Variants in MORC1 observed in about 807,000 individuals in gnomAD.
The protein encoded by MORC1 is MORC family CW-type zinc finger protein 1.
In MORC1, 59 loss-of-function variants were observed where a neutral mutation model predicts 134.9. The ratio of observed to expected loss-of-function variants is 0.44; its 90% confidence interval spans 0.35 to 0.54. The LOEUF is 0.54. MORC1 is among the 20% of genes least tolerant of loss of function. The pLI is 0.00. For missense variants in MORC1, 947 were observed against 1,134.5 expected (o/e 0.83, Z 2.37); for synonymous variants, 395 against 391.7 (o/e 1.01, Z -0.10).
At chr3:109,007,941 A>ATGTGTGTGTGTGTGTG (rs113629397) in intron 17 of MORC1, among the ~76,000 whole-genome samples, 90 of 149,614 alleles carry the variant, frequency 6.0e-4, no homozygotes, top group Admixed American at 3.2e-3. Flanking sequence ...GCACATATAT[A>ATGTGTGTGTGTGTGTG]TGTGTGTGTG....
chr3:109,117,949 C>A (rs901582438), intron 1 of MORC1, 46 bp downstream of exon 1: 1 of 1,474,700 alleles, frequency 6.8e-7, no homozygotes, highest in Admixed American at 1.9e-5. Context: ...TTCTTCATGG[C>A]GGGCGCAGAG....
At chr3:109,040,407 G>GAAAGAAAGAAAGAAAGAAAGA (rs58166584) in intron 14 of MORC1, among the ~76,000 whole-genome samples, 1 of 26,244 alleles carries the variant, frequency 3.8e-5, no homozygotes, top group African/African-American at 1.1e-4. Flanking sequence ...AGAAAGAGAA[G>GAAAGAAAGAAAGAAAGAAAGA]GAAGGAAGGA....
At chr3:108,969,555 A>G (rs1317137715) in intron 26 of MORC1, 114 bp downstream of exon 26, 1 of 1,051,298 alleles carries the variant, frequency 9.5e-7, no homozygotes, top group Non-Finnish European at 1.5e-6. Context: ...AGTCTCGATA[A>G]GTGAATGCAA....
At chr3:109,100,542 A>G (rs1181297828) in intron 4 of MORC1, 35 bp from the exon 5 acceptor site, 1 of 1,529,888 alleles carries the variant, frequency 6.5e-7, no homozygotes, top group South Asian at 1.1e-5. Flanking sequence ...GTGGTTAGGA[A>G]GACTCTTTGA....
At chr3:109,009,966 T>C (rs1261457043) in intron 17 of MORC1, among the ~76,000 whole-genome samples, 2 of 152,210 alleles carry the variant, frequency 1.3e-5, no homozygotes, top group Non-Finnish European at 2.9e-5. Context: ...TTCATGATCA[T>C]TTTCTGTGTA....
intron 3 of MORC1, 78 bp from the exon 4 acceptor site, chr3:109,103,995 A>T: frequency 7.6e-7 from 1 of 1,319,484 alleles, no homozygotes; most frequent in Non-Finnish European, 1.1e-6. Flanking sequence ...TAGAATAATT[A>T]TTCGTCTTCC....
intron 8 of MORC1, among the ~76,000 whole-genome samples, chr3:109,072,123 G>A (rs1044008125): frequency 4.6e-5 from 7 of 152,072 alleles, no homozygotes; most frequent in African/African-American, 1.2e-4. Context: ...AAGTGAAATG[G>A]GCCACGTCAT....
At chr3:109,089,483 C>A (rs182227658) in intron 8 of MORC1, among the ~76,000 whole-genome samples, 2 of 152,204 alleles carry the variant, frequency 1.3e-5, no homozygotes, top group Non-Finnish European at 2.9e-5. Context: ...TCTGTACCCA[C>A]TCAATAAAGG....
intron 8 of MORC1, among the ~76,000 whole-genome samples, chr3:109,078,991 G>T (rs1950474750): frequency 6.6e-6 from 1 of 151,832 alleles, no homozygotes; most frequent in South Asian, 2.1e-4. Flanking sequence ...AGTAATAAAA[G>T]AAATAAAGTA....
At chr3:109,028,758 G>C (rs1044279388) in intron 16 of MORC1, among the ~76,000 whole-genome samples, 1 of 151,944 alleles carries the variant, frequency 6.6e-6, no homozygotes, top group East Asian at 1.9e-4. Context: ...TGTTCACTTC[G>C]GTATCAAGGC....
chr3:109,056,697 A>C (rs1949970354), intron 13 of MORC1, among the ~76,000 whole-genome samples: 1 of 152,212 alleles, frequency 6.6e-6, no homozygotes, highest in South Asian at 2.1e-4. Flanking sequence ...GTGCTTGTTA[A>C]ATAAACAATG....
chr3:109,058,282 G>A (rs1950006943), intron 12 of MORC1, among the ~76,000 whole-genome samples: 1 of 152,060 alleles, frequency 6.6e-6, no homozygotes. Context: ...TTTGAAAAAT[G>A]GGAGTAATAC....
At chr3:109,108,520 C>G (rs1951086651) in intron 3 of MORC1, among the ~76,000 whole-genome samples, 1 of 152,144 alleles carries the variant, frequency 6.6e-6, no homozygotes, top group African/African-American at 2.4e-5. Context: ...ATTCCCATAG[C>G]CATACCTCCC....
At chr3:108,989,487 A>C (rs964773317) in intron 21 of MORC1, among the ~76,000 whole-genome samples, 2 of 152,232 alleles carry the variant, frequency 1.3e-5, no homozygotes, top group African/African-American at 4.8e-5. Context: ...AATTTTGTAA[A>C]GTATCTACTT....
intron 6 of MORC1, among the ~76,000 whole-genome samples, chr3:109,097,444 C>G (rs1950850001): frequency 6.6e-6 from 1 of 152,160 alleles, no homozygotes; most frequent in Non-Finnish European, 1.5e-5. Flanking sequence ...CACTGGAGAA[C>G]ATGCTGTACC....
intron 17 of MORC1, among the ~76,000 whole-genome samples, chr3:109,013,345 G>A (rs1399654176): frequency 3.3e-5 from 5 of 152,112 alleles, no homozygotes; most frequent in South Asian, 2.1e-4. Context: ...TATAGAAAGC[G>A]TTAAGTGGAG....
intron 14 of MORC1, among the ~76,000 whole-genome samples, chr3:109,040,472 GAAA>G (rs1559912748): frequency 1.3e-4 from 19 of 144,834 alleles, no homozygotes; most frequent in African/African-American, 4.1e-4. Flanking sequence ...AAGAAAGAAA[GAAA>G]GAAAGAAAGA....
At chr3:108,993,398 C>T (rs970063165) in intron 21 of MORC1, among the ~76,000 whole-genome samples, 3 of 152,156 alleles carry the variant, frequency 2.0e-5, no homozygotes, top group Non-Finnish European at 2.9e-5. Flanking sequence ...GTTTTTGTGT[C>T]TCTCCGTACG....
chr3:109,055,508 TCTTACCA>T (rs1214345458), intron 13 of MORC1, among the ~76,000 whole-genome samples: 3 of 152,214 alleles, frequency 2.0e-5, no homozygotes, highest in Admixed American at 6.5e-5. Flanking sequence ...TATAGTGTTT[TCTTACCA>T]CTTCACTCTT....
Sources: allele counts gnomAD v4.1 joint callset (sites outside exome capture counted in the v4.1 genomes callset), GRCh38; gene constraint gnomAD v4.1.1; transcripts MANE v1.5; gene names NCBI Gene and HGNC (gene_info 2026-07-23, HGNC 2026-07-21).